CNTN6: variants seen among roughly 807,000 people sequenced by gnomAD.
CNTN6 encodes the protein contactin-6.
CNTN6 carries 137 observed loss-of-function variants against 122.8 expected under a neutral mutation model. That is an observed-to-expected ratio of 1.12 (90% confidence interval 0.97 to 1.29). The LOEUF (loss-of-function observed/expected upper bound fraction) is 1.29. CNTN6 is among the 50% of genes most tolerant of loss of function. The pLI is 0.00. For synonymous variants in CNTN6, 570 were observed against 426.0 expected (o/e 1.34, Z -4.16); for missense variants, 1,634 against 1,223.4 (o/e 1.34, Z -5.01).
chr3:1,358,458 ATTT>A (rs34913678), intron 12 of CNTN6, among the ~76,000 whole-genome samples: 1 of 144,796 alleles, frequency 6.9e-6, no homozygotes. Context: ...CTCTAGGGCC[ATTT>A]TTTTTTTTTT....
At chr3:1,277,723 T>C (rs1692671676) in intron 4 of CNTN6, among the ~76,000 whole-genome samples, 1 of 152,128 alleles carries the variant, frequency 6.6e-6, no homozygotes. Context: ...GTAAAGAAAC[T>C]GAGGCTCAAA....
At chr3:1,143,233 A>AC (rs1309222876) in intron 1 of CNTN6, among the ~76,000 whole-genome samples, 3 of 151,970 alleles carry the variant, frequency 2.0e-5, no homozygotes, top group African/African-American at 7.3e-5. Context: ...GTGATTATAG[A>AC]CCTGTACATA....
At chr3:1,109,322 T>C (rs2091369579) in intron 1 of CNTN6, among the ~76,000 whole-genome samples, 3 of 152,098 alleles carry the variant, frequency 2.0e-5, no homozygotes, top group African/African-American at 7.2e-5. Flanking sequence ...TTTTTGGAGA[T>C]GCATGCAAAA....
intron 7 of CNTN6, among the ~76,000 whole-genome samples, chr3:1,317,108 A>T (rs1700194376): frequency 6.6e-6 from 1 of 151,960 alleles, no homozygotes; most frequent in African/African-American, 2.4e-5. Flanking sequence ...GGAACTGTGA[A>T]ATTGTATAAA....
At chr3:1,245,656 C>G (rs2094573129) in intron 4 of CNTN6, among the ~76,000 whole-genome samples, 1 of 151,558 alleles carries the variant, frequency 6.6e-6, no homozygotes, top group East Asian at 1.9e-4. Flanking sequence ...TGTAACCAAA[C>G]ACCACCTGTT....
chr3:1,278,565 A>C, intron 5 of CNTN6, 57 bp downstream of exon 5: 3 of 1,202,076 alleles, frequency 2.5e-6, no homozygotes, highest in Non-Finnish European at 2.4e-6. Context: ...GAGTGATGTG[A>C]GCACATCAGG....
At chr3:1,244,576 T>A (rs2094533283) in intron 4 of CNTN6, among the ~76,000 whole-genome samples, 1 of 152,152 alleles carries the variant, frequency 6.6e-6, no homozygotes. Context: ...GGACGGGGGA[T>A]TGATCTCCCA....
At chr3:1,387,960 T>C (rs954995740) in intron 20 of CNTN6, among the ~76,000 whole-genome samples, 1 of 151,898 alleles carries the variant, frequency 6.6e-6, no homozygotes, top group African/African-American at 2.4e-5. Context: ...GAGATCAAAC[T>C]GCAAGGCGGC....
At chr3:1,124,877 T>C (rs1388439870) in intron 1 of CNTN6, among the ~76,000 whole-genome samples, 2 of 151,930 alleles carry the variant, frequency 1.3e-5, no homozygotes, top group Admixed American at 6.6e-5. Context: ...ATAGCACTTA[T>C]CAGAGTTTAT....
chr3:1,153,895 G>C (rs978360296), intron 2 of CNTN6, among the ~76,000 whole-genome samples: 5 of 152,116 alleles, frequency 3.3e-5, no homozygotes, highest in African/African-American at 1.2e-4. Flanking sequence ...ATATTCCTTT[G>C]GGTCAGAGTG....
chr3:1,307,005 A>T (rs576167864), intron 7 of CNTN6, among the ~76,000 whole-genome samples: 1 of 152,294 alleles, frequency 6.6e-6, no homozygotes, highest in African/African-American at 2.4e-5. Context: ...TCCATCATTA[A>T]TTCCTTCATT....
chr3:1,112,222 A>T (rs936443962), intron 1 of CNTN6, among the ~76,000 whole-genome samples: 2 of 152,228 alleles, frequency 1.3e-5, no homozygotes, highest in Non-Finnish European at 2.9e-5. Context: ...AGAAAGATAG[A>T]CACTGTGTTA....
At chr3:1,236,564 A>C (rs1478599458) in intron 4 of CNTN6, among the ~76,000 whole-genome samples, 1 of 152,154 alleles carries the variant, frequency 6.6e-6, no homozygotes, top group East Asian at 1.9e-4. Flanking sequence ...ACCCCATGGG[A>C]CAAAAGACTC....
chr3:1,300,602 AAAGAGAGAAAGAAAGG>A (rs1400810551), intron 7 of CNTN6, among the ~76,000 whole-genome samples: 2 of 116,750 alleles, frequency 1.7e-5, no homozygotes, highest in Admixed American at 7.4e-5. Context: ...AGAAAGAAAG[AAAGAGAGAAAGAAAGG>A]AAGAAAAGGA....
intron 17 of CNTN6, among the ~76,000 whole-genome samples, chr3:1,379,895 C>T (rs887867916): frequency 1.3e-5 from 2 of 152,052 alleles, no homozygotes; most frequent in Admixed American, 6.6e-5. Context: ...TCTGAGCCAC[C>T]AGAATGCAGG....
At chr3:1,286,610 A>G (rs577658719) in intron 5 of CNTN6, among the ~76,000 whole-genome samples, 1 of 152,310 alleles carries the variant, frequency 6.6e-6, no homozygotes, top group East Asian at 1.9e-4. Context: ...TCATTGATAG[A>G]TAGATAGACA....
chr3:1,282,909 C>A (rs759975474), intron 5 of CNTN6, among the ~76,000 whole-genome samples: 1 of 152,170 alleles, frequency 6.6e-6, no homozygotes, highest in Non-Finnish European at 1.5e-5. Context: ...TATTTTATTT[C>A]TTTCACTATG....
chr3:1,203,937 A>G (rs1472585573), intron 2 of CNTN6, among the ~76,000 whole-genome samples: 2 of 152,218 alleles, frequency 1.3e-5, no homozygotes, highest in East Asian at 1.9e-4. Flanking sequence ...TACTCAGTAC[A>G]GTAACATGCT....
chr3:1,261,434 A>G (rs2094844625), intron 4 of CNTN6, among the ~76,000 whole-genome samples: 1 of 152,180 alleles, frequency 6.6e-6, no homozygotes, highest in African/African-American at 2.4e-5. Flanking sequence ...TCTCATTATT[A>G]GCCCAGCATA....
Sources: gnomAD v4.1 joint callset for allele counts (sites outside exome capture counted in the v4.1 genomes callset) on GRCh38, gnomAD v4.1.1 for gene constraint, MANE v1.5 for transcripts, NCBI Gene and HGNC (gene_info 2026-07-23, HGNC 2026-07-21) for gene names.